Variants in DAB1 observed in about 807,000 individuals in gnomAD.
DAB1 encodes disabled homolog 1.
Under a neutral mutation model 64.6 loss-of-function variants are expected in DAB1, and 15 were observed. That is an observed-to-expected ratio of 0.23 (90% CI 0.16 to 0.36). DAB1 has a LOEUF of 0.36. Ranked by LOEUF, DAB1 falls within the 10% of genes least tolerant of loss-of-function variation. The pLI is 1.00. For missense variants in DAB1, 596 were observed against 706.7 expected (o/e 0.84, Z 1.78); for synonymous variants, 235 against 251.9 (o/e 0.93, Z 0.64).
At chr1:57,021,161 C>T (rs191763305) in intron 11 of DAB1, among the ~76,000 whole-genome samples, 6 of 152,296 alleles carry the variant, frequency 3.9e-5, no homozygotes, top group Non-Finnish European at 7.4e-5. Context: ...ATTTTAGACT[C>T]GTGTTCTAAA....
intron 3 of DAB1, among the ~76,000 whole-genome samples, chr1:58,461,110 G>A (rs1645239119): frequency 6.6e-6 from 1 of 152,188 alleles, no homozygotes; most frequent in Admixed American, 6.5e-5. Flanking sequence ...AGTCATCAGT[G>A]TAAGCAAGCA....
intron 7 of DAB1, among the ~76,000 whole-genome samples, chr1:57,624,922 A>AT (rs574898735): frequency 1.3e-5 from 2 of 152,118 alleles, no homozygotes; most frequent in African/African-American, 4.8e-5. Flanking sequence ...TAGCGTTTTC[A>AT]TTTTTTTAAA....
chr1:58,164,269 T>C (rs997742360), intron 4 of DAB1, among the ~76,000 whole-genome samples: 5 of 152,156 alleles, frequency 3.3e-5, no homozygotes, highest in Non-Finnish European at 5.9e-5. Context: ...CATATTCACT[T>C]TTAAGGCTTT....
intron 6 of DAB1, among the ~76,000 whole-genome samples, chr1:57,717,765 C>G (rs1422374062): frequency 6.6e-6 from 1 of 151,926 alleles, no homozygotes; most frequent in Non-Finnish European, 1.5e-5. Context: ...TACATACACA[C>G]TATGAAATAT....
At chr1:57,456,834 C>T (rs147864839) in intron 7 of DAB1, among the ~76,000 whole-genome samples, 85 of 152,206 alleles carry the variant, frequency 5.6e-4, no homozygotes, top group African/African-American at 2.0e-3. Flanking sequence ...CGACCTGTAT[C>T]AACTTGAAAA....
intron 3 of DAB1, among the ~76,000 whole-genome samples, chr1:58,459,275 G>A (rs1303585945): frequency 1.3e-5 from 2 of 152,198 alleles, no homozygotes; most frequent in Non-Finnish European, 2.9e-5. Flanking sequence ...CACTGTTTCC[G>A]AGGTTCAGAA....
chr1:58,368,919 TG>T (rs1411886460), intron 3 of DAB1, among the ~76,000 whole-genome samples: 2 of 152,060 alleles, frequency 1.3e-5, no homozygotes, highest in Non-Finnish European at 2.9e-5. Flanking sequence ...CCCAGTTACT[TG>T]GGGGGCTGAA....
chr1:57,537,869 G>T (rs888131725), intron 7 of DAB1, among the ~76,000 whole-genome samples: 2 of 152,152 alleles, frequency 1.3e-5, no homozygotes, highest in Non-Finnish European at 2.9e-5. Flanking sequence ...GATGGCCTCT[G>T]GCTGCTTCCA....
chr1:58,056,073 A>G (rs893346184), intron 5 of DAB1: 3 of 843,176 alleles, frequency 3.6e-6, no homozygotes, highest in African/African-American at 1.8e-5. Context: ...TTTAAGTACA[A>G]TTTCCATTTT....
intron 2 of DAB1, among the ~76,000 whole-genome samples, chr1:58,508,054 A>G (rs1048294904): frequency 1.3e-5 from 2 of 152,190 alleles, no homozygotes; most frequent in Admixed American, 6.5e-5. Context: ...TCCCTATTCA[A>G]TCTCTAAGTA....
chr1:58,099,342 C>G (rs1218316046), intron 5 of DAB1, among the ~76,000 whole-genome samples: 2 of 152,170 alleles, frequency 1.3e-5, no homozygotes, highest in African/African-American at 2.4e-5. Flanking sequence ...TAACAAGCAT[C>G]TTGACAACAG....
intron 3 of DAB1, among the ~76,000 whole-genome samples, chr1:58,463,922 C>A (rs1040746762): frequency 1.3e-5 from 2 of 152,204 alleles, no homozygotes; most frequent in African/African-American, 4.8e-5. Flanking sequence ...TGGGTGAATG[C>A]CCCAAAGCTA....
chr1:57,055,723 A>C (rs1218949485), intron 9 of DAB1, among the ~76,000 whole-genome samples: 3 of 152,200 alleles, frequency 2.0e-5, no homozygotes, highest in Non-Finnish European at 4.4e-5. Context: ...TGAGGCTCTA[A>C]GACAGAGGTT....
chr1:57,121,537 TA>T (rs1047485361), intron 4 of DAB1, among the ~76,000 whole-genome samples: 27 of 152,012 alleles, frequency 1.8e-4, no homozygotes, highest in Admixed American at 1.6e-3. Flanking sequence ...CACTGCTTAA[TA>T]AATGTTCACT....
intron 2 of DAB1, among the ~76,000 whole-genome samples, chr1:57,166,814 G>A (rs155288): frequency 0.54 from 81,585 of 152,004 alleles, 23,383 homozygotes; most frequent in African/African-American, 0.74. Context: ...AGTCAGGAAT[G>A]GTGCCCATGA....
intron 1 of DAB1, among the ~76,000 whole-genome samples, chr1:57,308,566 T>C (rs1421303269): frequency 2.0e-5 from 3 of 152,190 alleles, no homozygotes; most frequent in South Asian, 2.1e-4. Flanking sequence ...AAAAGCACAA[T>C]TTAAAAATTG....
At chr1:58,334,570 G>T (rs60562009) in intron 4 of DAB1, among the ~76,000 whole-genome samples, 1 of 149,816 alleles carries the variant, frequency 6.7e-6, no homozygotes, top group African/African-American at 2.4e-5. Flanking sequence ...ACAGGCAATA[G>T]AGCCTTTGAG....
intron 7 of DAB1, among the ~76,000 whole-genome samples, chr1:57,437,075 A>G (rs1685724414): frequency 1.3e-5 from 2 of 151,158 alleles, no homozygotes; most frequent in Admixed American, 6.6e-5. Context: ...CACAGGAGTT[A>G]ATGAAAAGAT....
intron 3 of DAB1, among the ~76,000 whole-genome samples, chr1:58,372,834 C>G (rs1345755050): frequency 2.0e-5 from 3 of 152,144 alleles, no homozygotes; most frequent in Non-Finnish European, 4.4e-5. Flanking sequence ...CCTTGCTTTC[C>G]ATTCACCTTC....
Sources: allele counts gnomAD v4.1 joint callset (sites outside exome capture counted in the v4.1 genomes callset), GRCh38; gene constraint gnomAD v4.1.1; transcripts MANE v1.5; gene names NCBI Gene and HGNC (gene_info 2026-07-23, HGNC 2026-07-21).